PCDHA10: variants seen among roughly 807,000 people sequenced by gnomAD.
PCDHA10 encodes protocadherin alpha-10.
A neutral mutation model predicts 61.2 loss-of-function variants in PCDHA10; 45 were observed. The ratio of observed to expected loss-of-function variants is 0.74; its 90% confidence interval spans 0.58 to 0.94. PCDHA10 has a LOEUF of 0.94. Among genes scored for constraint, PCDHA10 ranks in the 40% least tolerant of loss-of-function variants. PCDHA10 has a pLI of 0.00. For synonymous variants in PCDHA10, 602 were observed against 548.8 expected (o/e 1.10, Z -1.35); for missense variants, 1,278 against 1,236.2 (o/e 1.03, Z -0.51).
At chr5:140,887,661 T>A (rs1322494406) in intron 1 of PCDHA10, among the ~76,000 whole-genome samples, 1 of 152,170 alleles carries the variant, frequency 6.6e-6, no homozygotes, top group African/African-American at 2.4e-5. Context: ...CTTGGATCTG[T>A]GGATTTATCA....
At chr5:140,890,526 ATCT>A (rs2062679933) in intron 1 of PCDHA10, among the ~76,000 whole-genome samples, 1 of 151,278 alleles carries the variant, frequency 6.6e-6, no homozygotes, top group Admixed American at 6.6e-5. Flanking sequence ...TCCTTTGTTG[ATCT>A]TCTTTTGAAA....
chr5:140,932,920 A>G (rs1397195310), intron 1 of PCDHA10, among the ~76,000 whole-genome samples: 3 of 152,034 alleles, frequency 2.0e-5, no homozygotes, highest in Non-Finnish European at 4.4e-5. Flanking sequence ...CAACAACTAA[A>G]TTAACTTAGC....
intron 1 of PCDHA10, among the ~76,000 whole-genome samples, chr5:140,895,220 A>C (rs1044682871): frequency 6.6e-6 from 1 of 152,158 alleles, no homozygotes; most frequent in Non-Finnish European, 1.5e-5. Context: ...CTAATATTTT[A>C]CTGAGTTTTC....
At chr5:140,968,640 C>T (rs2096260908) in intron 1 of PCDHA10, 1 of 1,614,038 alleles carries the variant, frequency 6.2e-7, no homozygotes, top group Admixed American at 1.7e-5. Context: ...TACCATCTAG[C>T]CCAGACTTCT....
intron 1 of PCDHA10, chr5:140,876,266 A>T: frequency 6.2e-7 from 1 of 1,614,012 alleles, no homozygotes; most frequent in South Asian, 1.1e-5. Context: ...ATCCAACTAA[A>T]TGCTTCCGAT....
At chr5:140,954,222 G>A (rs2094999300) in intron 1 of PCDHA10, among the ~76,000 whole-genome samples, 1 of 152,132 alleles carries the variant, frequency 6.6e-6, no homozygotes, top group African/African-American at 2.4e-5. Context: ...TTTTGCTATT[G>A]TGAATAGTGC....
At chr5:140,927,889 G>T (rs1554205185) in intron 1 of PCDHA10, 1 of 1,614,226 alleles carries the variant, frequency 6.2e-7, no homozygotes, top group Non-Finnish European at 8.5e-7. Context: ...GGTGACTGAC[G>T]TGAACGATCA....
intron 1 of PCDHA10, chr5:140,876,526 G>T: frequency 6.2e-7 from 1 of 1,614,164 alleles, no homozygotes; most frequent in Non-Finnish European, 8.5e-7. Context: ...TGAAGTAATG[G>T]TTACTTCACT....
chr5:140,916,268 T>C (rs1190209711), intron 1 of PCDHA10, among the ~76,000 whole-genome samples: 3 of 152,206 alleles, frequency 2.0e-5, no homozygotes, highest in Non-Finnish European at 4.4e-5. Flanking sequence ...AAGAGCATGC[T>C]TGTTGCTCTA....
chr5:140,902,622 A>C (rs1328816868), intron 1 of PCDHA10, among the ~76,000 whole-genome samples: 2 of 152,068 alleles, frequency 1.3e-5, no homozygotes, highest in Non-Finnish European at 2.9e-5. Flanking sequence ...TGGGTAAGTT[A>C]TTTAGTGGTG....
chr5:141,003,001 C>T (rs1403843420), intron 3 of PCDHA10, among the ~76,000 whole-genome samples: 3 of 152,182 alleles, frequency 2.0e-5, no homozygotes, highest in Admixed American at 1.3e-4. Flanking sequence ...AGTTTATGTT[C>T]TATTAGGGAA....
In PCDHA10 at chr5:140,957,392, T is replaced by A. The variant is rs1035836709; in HGVS notation, c.2389-21557T>A. Among the ~76,000 whole-genome samples the A allele has an allele frequency of 2.6e-5, 4 of 152,222 alleles. No individual in the cohort carries two copies. In the East Asian group the frequency reaches 5.8e-4, roughly 22 times the overall value. ...TTATTATAGTGTATTGTTATAATTG[T>A]CCTAATTTATTATTATTGTTGTTAA... is the stretch of plus-strand genomic sequence containing the variant. On this transcript the variant is annotated intron_variant, in intron 1 of 3. Coordinates refer to ENST00000307360, the MANE Select transcript of PCDHA10 (RefSeq NM_018901.4).
chr5:141,000,805 G>C (rs1049253262), intron 3 of PCDHA10, among the ~76,000 whole-genome samples: 2 of 151,852 alleles, frequency 1.3e-5, no homozygotes, highest in Non-Finnish European at 2.9e-5. Context: ...TACTCAGAAG[G>C]CTGAGGTGGG....
At chr5:140,900,290 G>GT (rs1292990700) in intron 1 of PCDHA10, among the ~76,000 whole-genome samples, 2 of 151,548 alleles carry the variant, frequency 1.3e-5, no homozygotes, top group Non-Finnish European at 2.9e-5. Context: ...TTTCTTTTCT[G>GT]TTTTTTTAGA....
chr5:140,979,585 G>T (rs1486792990), intron 2 of PCDHA10, among the ~76,000 whole-genome samples: 1 of 152,156 alleles, frequency 6.6e-6, no homozygotes, highest in Non-Finnish European at 1.5e-5. Context: ...TCCAAATCTA[G>T]CTTACTTTAA....
chr5:140,920,854 A>C (rs1369314704), intron 1 of PCDHA10, among the ~76,000 whole-genome samples: 1 of 152,006 alleles, frequency 6.6e-6, no homozygotes, highest in East Asian at 1.9e-4. Context: ...AAAAAAAAAA[A>C]AAAACAAACA....
intron 1 of PCDHA10, chr5:140,870,153 C>G (rs537593818): frequency 6.2e-7 from 1 of 1,614,088 alleles, no homozygotes; most frequent in East Asian, 2.2e-5. Flanking sequence ...CTGAAGTCGC[C>G]GTGACTTCCT....
rs1562523780 is a variant in PCDHA10 at position 140,857,477 on chromosome 5, T to A, written c.1429T>A (p.Ser477Thr). The A allele has an allele frequency of 1.3e-6, 2 of 1,598,544 alleles. No individual in the cohort carries two copies. The highest frequency in any genetic ancestry group is 1.7e-5 in the Admixed American group (1 of 59,342). The change falls in exon 1 of 4, where the codon TCT becomes ACT. Residue 477 changes from serine to threonine, a missense_variant. Ser to Thr is a moderately conservative substitution (Grantham distance 58). Transcript: ENST00000307360. ...GCCAGGCTGCCACATCTTCACGGTG[T>A]CTGCGTGGGACGCGGACGCGCAGGA... ...NPPGCHIFTV[S>T]AWDADAQENA...
chr5:140,968,635 T>C, intron 1 of PCDHA10: 1 of 1,614,190 alleles, frequency 6.2e-7, no homozygotes, highest in East Asian at 2.2e-5. Context: ...TTTTTTACCA[T>C]CTAGCCCAGA....
Sources: allele counts gnomAD v4.1 joint callset (sites outside exome capture counted in the v4.1 genomes callset), GRCh38; gene constraint gnomAD v4.1.1; transcripts MANE v1.5; gene names NCBI Gene and HGNC (gene_info 2026-07-23, HGNC 2026-07-21).